The following TNIK variants were observed in gnomAD, a reference collection of about 807,000 sequenced individuals.
TNIK encodes the protein TRAF2 and NCK-interacting protein kinase.
Under a neutral mutation model 191.3 loss-of-function variants are expected in TNIK, and 49 were observed. The ratio of observed to expected loss-of-function variants is 0.26; its 90% confidence interval spans 0.20 to 0.32. The LOEUF (loss-of-function observed/expected upper bound fraction) is 0.32, where lower values mean the gene tolerates loss of function less well. Among genes scored for constraint, TNIK ranks in the 10% least tolerant of loss-of-function variants. The pLI, the probability that TNIK is intolerant of heterozygous loss-of-function variation, is 1.00. For missense variants in TNIK, 1,155 were observed against 1,702.3 expected (o/e 0.68, Z 5.66); for synonymous variants, 594 against 600.9 (o/e 0.99, Z 0.17).
chr3:171,288,531 G>A lies in TNIK; in HGVS notation c.124-60310C>T, dbSNP rs191219634. Among the ~76,000 whole-genome samples the A allele has an allele frequency of 1.6e-3, 239 of 152,212 alleles. 1 individual carries two copies. Among genetic ancestry groups the A allele is most frequent in the African/African-American group, 5.3e-3 (219 of 41,536 alleles). On this transcript the variant is annotated intron_variant, in intron 2 of 32. Coordinates refer to ENST00000436636, the MANE Select transcript of TNIK (RefSeq NM_015028.4). ...TGCTTCAAGAAGTCAATGGCTGGCC[G>A]AGTGCGGTGGCTCACGCCTGTAATC...
chr3:171,090,539 A>G (rs1721933368), intron 23 of TNIK, among the ~76,000 whole-genome samples: 1 of 144,608 alleles, frequency 6.9e-6, no homozygotes, highest in Admixed American at 6.9e-5. Flanking sequence ...AGGAGGATCA[A>G]CGCTGAAAAG....
In TNIK at chr3:171,361,873, GTTTC is replaced by G. The variant is rs548479381; in HGVS notation, c.123+7743_123+7746del. Among the ~76,000 whole-genome samples, 925 of 152,208 alleles carry G rather than the reference GTTTC, an allele frequency of 6.1e-3. 5 individuals carry two copies. Among genetic ancestry groups the G allele is most frequent in the African/African-American group, 0.02 (849 of 41,532 alleles). The stretch of plus-strand genomic sequence containing the variant: ...CTTCATGGGTTATATCATGAAAACT[GTTTC>G]TTTATATTCTAATTTTACAGATGAG... On this transcript the variant is annotated intron_variant, in intron 2 of 32. Coordinates refer to ENST00000436636, the MANE Select transcript of TNIK (RefSeq NM_015028.4).
rs572597762 is a variant in TNIK at position 171,230,455 on chromosome 3, A to T, written c.124-2234T>A. The stretch of plus-strand genomic sequence containing the variant: ...TTGAAATTATTTTAATGGTACCTGT[A>T]ACAGGATACAGACAAACCACTGGGC... On this transcript the variant is annotated intron_variant, in intron 2 of 32. Transcript: ENST00000436636. Among the ~76,000 whole-genome samples, 6 of 152,290 alleles carry T rather than the reference A, an allele frequency of 3.9e-5. No individual in the cohort carries two copies. In the South Asian group the frequency reaches 1.2e-3, roughly 32 times the overall value.
rs1369417100 is a variant in TNIK at position 171,161,221 on chromosome 3, G to A, written c.1016+49C>T. On this transcript the variant is annotated intron_variant, in intron 11 of 32. Transcript: ENST00000436636. Reference sequence around the variant, plus strand: ...CAAAAGGAAAGTGAATTTCACACAAGCACAATTCAGAATGTGAACATTAGA... The same window carrying A: ...CAAAAGGAAAGTGAATTTCACACAAACACAATTCAGAATGTGAACATTAGA... 10 of 1,572,966 alleles carry A rather than the reference G, an allele frequency of 6.4e-6. No homozygotes were observed. The South Asian group carries it at 8.1e-5, about 13-fold the overall frequency.
rs934643165 is a variant in TNIK at position 171,061,751 on chromosome 3, A to C, written c.*2130T>G. ...ATCAATATATTTTGTCCACATCAGC[A>C]TCCAATTACAGTAGTTGTTAAATTC... On this transcript the variant is annotated 3_prime_UTR_variant, in exon 33 of 33. Coordinates refer to ENST00000436636, the MANE Select transcript of TNIK (RefSeq NM_015028.4). 6.6e-6 allele frequency: 1 copy of C among 152,230 alleles called. No homozygotes were observed. The highest frequency in any genetic ancestry group is 2.4e-5 in the African/African-American group (1 of 41,460). The allele number at this position is 152,230 out of a possible 1,614,324, so 9.4% of individuals were successfully genotyped here.
intron 2 of TNIK, among the ~76,000 whole-genome samples, chr3:171,347,864 AG>A (rs1270651242): frequency 6.6e-6 from 1 of 152,166 alleles, no homozygotes; most frequent in African/African-American, 2.4e-5. Flanking sequence ...ACTCATCAAG[AG>A]TGACTGTTCT....
chr3:171,115,144 T>C (rs538507430), intron 18 of TNIK, among the ~76,000 whole-genome samples: 1 of 152,332 alleles, frequency 6.6e-6, no homozygotes, highest in African/African-American at 2.4e-5. Context: ...GGAACGGTAA[T>C]GTAGTATTCT....
chr3:171,369,799 G>A, intron 1 of TNIK, 114 bp from the exon 2 acceptor site: 1 of 785,372 alleles, frequency 1.3e-6, no homozygotes, highest in South Asian at 2.0e-5. Context: ...TAGCTTCAGG[G>A]GCTCTCATGT....
chr3:171,442,903 A>G (rs1332026956), intron 1 of TNIK, among the ~76,000 whole-genome samples: 1 of 152,170 alleles, frequency 6.6e-6, no homozygotes, highest in African/African-American at 2.4e-5. Flanking sequence ...TCCCAAAATA[A>G]AAGCTGTTTA....
At chr3:171,430,432 G>A (rs1224465499) in intron 1 of TNIK, among the ~76,000 whole-genome samples, 1 of 152,060 alleles carries the variant, frequency 6.6e-6, no homozygotes, top group Non-Finnish European at 1.5e-5. Flanking sequence ...TTGAGGCCAG[G>A]AGTTTGAGAC....
intron 3 of TNIK, chr3:171,225,426 A>G (rs964424921): frequency 8.9e-6 from 3 of 335,686 alleles, no homozygotes; most frequent in Admixed American, 4.1e-5. Flanking sequence ...CAGAAAAACT[A>G]TCTAGCCCTC....
intron 28 of TNIK, 27 bp downstream of exon 28, chr3:171,079,490 AC>A: frequency 6.2e-7 from 1 of 1,603,830 alleles, no homozygotes; most frequent in African/African-American, 1.3e-5. Context: ...AACAGACCAA[AC>A]TTATAATTCC....
In TNIK at chr3:171,315,765, C is replaced by A. The variant is rs1754531838; in HGVS notation, c.123+53855G>T. ...TCTGCTCCCATCTTCACGTGGCATT[C>A]CCCACTGTGTCTGTGTCTGTCTTTT... On this transcript the variant is annotated intron_variant, in intron 2 of 32. Transcript: ENST00000436636. Among the ~76,000 whole-genome samples the A allele has an allele frequency of 2.0e-5, 3 of 152,086 alleles. No individual in the cohort carries two copies. The South Asian group carries it at 6.2e-4, about 31-fold the overall frequency.
At chr3:171,106,557 C>T (rs1724918361) in intron 21 of TNIK, 1 of 414,874 alleles carries the variant, frequency 2.4e-6, no homozygotes. Flanking sequence ...CTGCTGTATT[C>T]ATGCAGGTCT....
intron 2 of TNIK, among the ~76,000 whole-genome samples, chr3:171,289,860 C>T (rs1197510120): frequency 6.7e-6 from 1 of 150,078 alleles, no homozygotes; most frequent in Non-Finnish European, 1.5e-5. Flanking sequence ...CGACATGGCG[C>T]CACTGCACTC....
intron 1 of TNIK, among the ~76,000 whole-genome samples, chr3:171,395,511 T>C (rs986468370): frequency 6.6e-6 from 1 of 152,128 alleles, no homozygotes; most frequent in Non-Finnish European, 1.5e-5. Context: ...TTACATTGCA[T>C]AGGACACTGG....
At chr3:171,217,282 G>T (rs909116290) in intron 3 of TNIK, among the ~76,000 whole-genome samples, 2 of 152,074 alleles carry the variant, frequency 1.3e-5, no homozygotes, top group East Asian at 1.9e-4. Context: ...TTATCCTAAA[G>T]AAATTAATGC....
intron 22 of TNIK, among the ~76,000 whole-genome samples, chr3:171,095,292 C>T (rs1722568416): frequency 6.6e-6 from 1 of 152,166 alleles, no homozygotes; most frequent in Non-Finnish European, 1.5e-5. Context: ...TCAGGAGTGC[C>T]TCATTTGCAT....
At chr3:171,353,164 T>C (rs541150352) in intron 2 of TNIK, among the ~76,000 whole-genome samples, 1 of 152,336 alleles carries the variant, frequency 6.6e-6, no homozygotes, top group South Asian at 2.1e-4. Flanking sequence ...CTAGAAATAG[T>C]AGTCTTCAGT....
Sources: allele counts gnomAD v4.1 joint callset (sites outside exome capture counted in the v4.1 genomes callset), GRCh38; gene constraint gnomAD v4.1.1; transcripts MANE v1.5; gene names NCBI Gene and HGNC (gene_info 2026-07-23, HGNC 2026-07-21).